Variants in ABRAXAS2 observed in about 807,000 individuals in gnomAD.
The protein encoded by ABRAXAS2 is BRISC complex subunit Abraxas 2.
A neutral mutation model predicts 49.0 loss-of-function variants in ABRAXAS2; 23 were observed. That is an observed-to-expected ratio of 0.47 (90% CI 0.34 to 0.66). The LOEUF (loss-of-function observed/expected upper bound fraction) is 0.66, where lower values mean the gene tolerates loss of function less well. Ranked by LOEUF, ABRAXAS2 falls within the 30% of genes least tolerant of loss-of-function variation. The pLI, the probability that ABRAXAS2 is intolerant of heterozygous loss-of-function variation, is 0.01. For synonymous variants in ABRAXAS2, 168 were observed against 180.2 expected (o/e 0.93, Z 0.54); for missense variants, 443 against 511.9 (o/e 0.87, Z 1.30).
chr10:124,832,610 C>T (rs920191382), intron 8 of ABRAXAS2, among the ~76,000 whole-genome samples: 4 of 151,982 alleles, frequency 2.6e-5, no homozygotes, highest in Admixed American at 6.6e-5. Flanking sequence ...TTTGGGAGGC[C>T]GAGGCAGGCA....
chr10:124,819,469 C>T lies in ABRAXAS2; in HGVS notation c.267+19C>T. 1 of 1,607,134 alleles carries T rather than the reference C, an allele frequency of 6.2e-7. No homozygotes were observed. Among genetic ancestry groups the T allele is most frequent in the Non-Finnish European group, 8.5e-7 (1 of 1,174,248 alleles). On this transcript the variant is annotated intron_variant, in intron 4 of 8. Coordinates refer to ENST00000298492, the MANE Select transcript of ABRAXAS2 (RefSeq NM_032182.4). ...GAGAAAGGTATGTTCTGTTTGTTGC[C>T]CAGTATGATTCTGAAATCGTTCCTT... is the stretch of plus-strand genomic sequence containing the variant.
At chr10:124,831,547 C>G (rs1011998381) in intron 8 of ABRAXAS2, 84 bp downstream of exon 8, 2 of 709,240 alleles carry the variant, frequency 2.8e-6, no homozygotes, top group Non-Finnish European at 2.3e-6. Flanking sequence ...AAATTATGTG[C>G]CTCTTTCTAC....
rs1564921097 is a variant in ABRAXAS2 at position 124,816,560 on chromosome 10, CTCTT to C, written c.164-12_164-9del. 3.8e-6 allele frequency: 6 copies of C among 1,585,602 alleles called. No individual in the cohort carries two copies. The South Asian group carries it at 6.7e-5, about 18-fold the overall frequency. ...TACATGATTAACTAAGATGTATTTCCTCTTTCTAATTACAGAAATCCATAACCAT... is the reference window on the plus strand; with the variant it reads ...TACATGATTAACTAAGATGTATTTCCTCTAATTACAGAAATCCATAACCAT... On this transcript the variant is annotated splice_polypyrimidine_tract_variant and intron_variant, in intron 2 of 8. Coordinates refer to ENST00000298492, the MANE Select transcript of ABRAXAS2 (RefSeq NM_032182.4).
intron 3 of ABRAXAS2, 41 bp downstream of exon 3, chr10:124,816,653 G>T: frequency 6.8e-7 from 1 of 1,465,050 alleles, no homozygotes; most frequent in East Asian, 2.3e-5. Context: ...TAAAAGGATT[G>T]ATTGATAAAA....
chr10:124,834,993 C>T lies in ABRAXAS2; in HGVS notation c.*22C>T, dbSNP rs775556904. On this transcript the variant is annotated 3_prime_UTR_variant, in exon 9 of 9. Transcript: ENST00000298492. ...TTAACTAAACAAAAGAAACTCTCCA[C>T]CTAGCACTGTTTTTCTTCATTGCTT... 2.6e-6 allele frequency: 4 copies of T among 1,533,748 alleles called. No individual in the cohort carries two copies. The highest frequency in any genetic ancestry group is 3.5e-6 in the Non-Finnish European group (4 of 1,136,910).
intron 1 of ABRAXAS2, among the ~76,000 whole-genome samples, chr10:124,805,751 T>A (rs1397409527): frequency 6.6e-6 from 1 of 152,218 alleles, no homozygotes; most frequent in Admixed American, 6.5e-5. Context: ...GCCTCTCCGC[T>A]AAGGTGCCAT....
chr10:124,814,125 G>A (rs1387808725), intron 2 of ABRAXAS2, among the ~76,000 whole-genome samples: 1 of 151,822 alleles, frequency 6.6e-6, no homozygotes, highest in African/African-American at 2.4e-5. Context: ...GCAAGTAGCT[G>A]GGATTACAGG....
chr10:124,817,398 A>C (rs1950831681), intron 3 of ABRAXAS2, among the ~76,000 whole-genome samples: 1 of 152,070 alleles, frequency 6.6e-6, no homozygotes, highest in Non-Finnish European at 1.5e-5. Flanking sequence ...TACTCACTGG[A>C]CTTCCCCCCA....
intron 6 of ABRAXAS2, 125 bp from the exon 7 acceptor site, chr10:124,829,268 C>T: frequency 1.5e-6 from 1 of 688,346 alleles, no homozygotes; most frequent in South Asian, 1.7e-5. Flanking sequence ...GGCATTATTC[C>T]TTAAACACTG....
chr10:124,826,799 T>C lies in ABRAXAS2; in HGVS notation c.458+14T>C, dbSNP rs188145846. The C allele has an allele frequency of 9.8e-4, 1,577 of 1,612,564 alleles. 3 individuals are homozygous for C. The highest frequency in any genetic ancestry group is 1.1e-3 in the Non-Finnish European group (1,328 of 1,178,914). On this transcript the variant is annotated intron_variant, in intron 5 of 8. Transcript: ENST00000298492. ...ACCAAATAGAAGGTAAAGCTTGCTT[T>C]TCCATCTGCCTCACATATAAGAAGG...
intron 4 of ABRAXAS2, among the ~76,000 whole-genome samples, chr10:124,826,122 C>T (rs77457622): frequency 0.057 from 8,607 of 152,286 alleles, 789 homozygotes; most frequent in African/African-American, 0.19. Context: ...AATGTATGCT[C>T]TTAGAAGTTT....
At chr10:124,826,570 G>T in intron 4 of ABRAXAS2, 25 bp from the exon 5 acceptor site, 1 of 1,597,624 alleles carries the variant, frequency 6.3e-7, no homozygotes, top group Non-Finnish European at 8.6e-7. Context: ...AAGATTTCAT[G>T]CAACTTTTCA....
intron 2 of ABRAXAS2, among the ~76,000 whole-genome samples, chr10:124,808,397 T>G (rs550019787): frequency 6.6e-6 from 1 of 152,178 alleles, no homozygotes; most frequent in South Asian, 2.1e-4. Context: ...AGGACGGTCT[T>G]GATCTCCTGA....
rs538498888 is a variant in ABRAXAS2 at position 124,813,979 on chromosome 10, C to G, written c.164-2597C>G. Among the ~76,000 whole-genome samples, 12 of 152,220 alleles carry G rather than the reference C, an allele frequency of 7.9e-5. No homozygotes were observed. In the South Asian group the frequency reaches 2.3e-3, roughly 29 times the overall value. ...CTCTGGAATAACTTATGATGGTATA[C>G]TTTATCATTTTTATTTATTTATTTA... On this transcript the variant is annotated intron_variant, in intron 2 of 8. Transcript: ENST00000298492.
intron 4 of ABRAXAS2, among the ~76,000 whole-genome samples, chr10:124,826,346 T>C (rs1212530064): frequency 6.6e-6 from 1 of 152,212 alleles, no homozygotes; most frequent in African/African-American, 2.4e-5. Context: ...AGGAGGTGTC[T>C]AGCTTCTTTC....
chr10:124,802,777 C>A (rs939806916), intron 1 of ABRAXAS2, among the ~76,000 whole-genome samples: 4 of 152,148 alleles, frequency 2.6e-5, no homozygotes, highest in African/African-American at 4.8e-5. Flanking sequence ...CTCATTAAAC[C>A]TATGTGTGGG....
intron 2 of ABRAXAS2, among the ~76,000 whole-genome samples, chr10:124,809,404 C>T (rs368401829): frequency 1.3e-5 from 2 of 151,980 alleles, no homozygotes; most frequent in Non-Finnish European, 2.9e-5. Flanking sequence ...CCTGCCTCAG[C>T]CTCCCGAGTA....
rs746846486 is a variant in ABRAXAS2, at chr10:124,829,374, T to C, written c.579-19T>C. 6 of 1,567,610 alleles carry C rather than the reference T, an allele frequency of 3.8e-6. No individual in the cohort carries two copies. In the South Asian group the frequency reaches 6.8e-5, roughly 18 times the overall value. ...AGTTATGATAACCTTGAGGCATCTT[T>C]TTTCTGTTTGTCTTCCAGTACTGAC... On this transcript the variant is annotated intron_variant, in intron 6 of 8. Transcript: ENST00000298492.
chr10:124,816,052 G>A (rs1430772681), intron 2 of ABRAXAS2, among the ~76,000 whole-genome samples: 5 of 151,892 alleles, frequency 3.3e-5, no homozygotes, highest in Admixed American at 2.6e-4. Context: ...ACAGGCGCCC[G>A]CCACCACGCC....
Sources: gnomAD v4.1 joint callset for allele counts (sites outside exome capture counted in the v4.1 genomes callset) on GRCh38, gnomAD v4.1.1 for gene constraint, MANE v1.5 for transcripts, NCBI Gene and HGNC (gene_info 2026-07-23, HGNC 2026-07-21) for gene names.